The following FOXN3 variants were observed in gnomAD, a reference collection of about 807,000 sequenced individuals.
FOXN3 encodes the protein forkhead box protein N3.
Under a neutral mutation model 38.4 loss-of-function variants are expected in FOXN3, and 7 were observed. The ratio of observed to expected loss-of-function variants is 0.18; its 90% CI spans 0.10 to 0.34. FOXN3 has a LOEUF of 0.34. FOXN3 is among the 10% of genes least tolerant of loss of function. The pLI is 1.00. For missense variants in FOXN3, 456 were observed against 613.4 expected (o/e 0.74, Z 2.71); for synonymous variants, 230 against 242.2 (o/e 0.95, Z 0.47).
intron 1 of FOXN3, among the ~76,000 whole-genome samples, chr14:89,430,305 A>C (rs560806575): frequency 6.6e-6 from 1 of 152,326 alleles, no homozygotes; most frequent in East Asian, 1.9e-4. Context: ...AAACCTTACC[A>C]TACAGAACCT....
chr14:89,248,845 G>A (rs1343040430), intron 4 of FOXN3, among the ~76,000 whole-genome samples: 1 of 152,202 alleles, frequency 6.6e-6, no homozygotes, highest in African/African-American at 2.4e-5. Context: ...GGTTTAAACA[G>A]CTTATTCAAG....
At chr14:89,402,160 C>T (rs1891268197) in intron 2 of FOXN3, among the ~76,000 whole-genome samples, 1 of 152,258 alleles carries the variant, frequency 6.6e-6, no homozygotes, top group African/African-American at 2.4e-5. Context: ...GCACAGACTA[C>T]ATCTTCACCT....
intron 1 of FOXN3, among the ~76,000 whole-genome samples, chr14:89,514,494 G>A (rs544952533): frequency 1.1e-4 from 17 of 152,270 alleles, no homozygotes; most frequent in Middle Eastern, 3.4e-3. Context: ...GTTCGTTATC[G>A]TGGACTCTGA....
At chr14:89,585,768 A>G (rs1439197595) in intron 1 of FOXN3, among the ~76,000 whole-genome samples, 4 of 151,810 alleles carry the variant, frequency 2.6e-5, no homozygotes, top group African/African-American at 9.7e-5. Flanking sequence ...AAAAAAAAAA[A>G]AAAAGAAAGG....
intron 3 of FOXN3, chr14:89,291,087 T>A: frequency 2.0e-6 from 1 of 507,912 alleles, no homozygotes. Context: ...GTGTAAATCA[T>A]GTTTGTAGCC....
chr14:89,317,591 G>A (rs1032805796), intron 3 of FOXN3, among the ~76,000 whole-genome samples: 2 of 152,046 alleles, frequency 1.3e-5, no homozygotes, highest in African/African-American at 4.8e-5. Context: ...TCACTTATAC[G>A]ACTGTCTCTT....
chr14:89,475,658 GA>G (rs985726114), intron 1 of FOXN3, among the ~76,000 whole-genome samples: 1 of 151,630 alleles, frequency 6.6e-6, no homozygotes, highest in South Asian at 2.1e-4. Context: ...CTATCTCAAA[GA>G]AAAAAAATAA....
chr14:89,369,265 G>C (rs573331139), intron 2 of FOXN3, among the ~76,000 whole-genome samples: 3 of 152,242 alleles, frequency 2.0e-5, no homozygotes, highest in African/African-American at 7.2e-5. Context: ...GAGTCACCTG[G>C]CCTAAGTGTC....
At chr14:89,467,144 G>A (rs913023157) in intron 1 of FOXN3, among the ~76,000 whole-genome samples, 2 of 152,118 alleles carry the variant, frequency 1.3e-5, no homozygotes, top group African/African-American at 2.4e-5. Flanking sequence ...CCCTTCTCAC[G>A]GTGGCTCTCC....
intron 4 of FOXN3, among the ~76,000 whole-genome samples, chr14:89,229,688 G>T (rs1441748650): frequency 6.6e-6 from 1 of 152,172 alleles, no homozygotes; most frequent in Non-Finnish European, 1.5e-5. Flanking sequence ...GCCAGGCTTG[G>T]AGTGCAAGTC....
rs141360062 is a variant in FOXN3 at position 89,478,288 on chromosome 14, G to A, written c.-14-65798C>T. Among the ~76,000 whole-genome samples, 376 of 152,200 alleles carry A rather than the reference G, an allele frequency of 2.5e-3. 16 individuals are homozygous for A. Among genetic ancestry groups the A allele is most frequent in the Non-Finnish European group, 2.3e-3 (156 of 68,004 alleles). On this transcript the variant is annotated intron_variant, in intron 1 of 6. Coordinates refer to the FOXN3 transcript ENST00000345097. ...AGAAGCAGATGCCACTATGCTTCCT[G>A]TACAGCCTGCAGAACCATGAACCAA...
chr14:89,232,632 T>A (rs1322319721), intron 4 of FOXN3, among the ~76,000 whole-genome samples: 34 of 152,212 alleles, frequency 2.2e-4, no homozygotes, highest in Admixed American at 2.2e-3. Flanking sequence ...TAATCCCACT[T>A]ACTCACCATC....
intron 1 of FOXN3, among the ~76,000 whole-genome samples, chr14:89,422,474 A>G (rs1020746701): frequency 5.9e-5 from 9 of 152,350 alleles, no homozygotes; most frequent in Admixed American, 3.9e-4. Flanking sequence ...AGGATTTGTC[A>G]AATGATTGAA....
intron 1 of FOXN3, among the ~76,000 whole-genome samples, chr14:89,596,131 CAG>C (rs573426795): frequency 2.6e-5 from 4 of 152,068 alleles, no homozygotes; most frequent in African/African-American, 7.2e-5. Context: ...TTTATTGAGA[CAG>C]ATATTTTATT....
At chr14:89,360,740 C>CACCACCTCCAGCACCACCTCCACCACT in intron 2 of FOXN3, among the ~76,000 whole-genome samples, 1 of 119,624 alleles carries the variant, frequency 8.4e-6, no homozygotes, top group Non-Finnish European at 1.7e-5. Flanking sequence ...CCACCTCCAG[C>CACCACCTCCAGCACCACCTCCACCACT]ACCACCTCCA....
At chr14:89,364,996 C>A (rs1056995911) in intron 2 of FOXN3, among the ~76,000 whole-genome samples, 3 of 152,270 alleles carry the variant, frequency 2.0e-5, no homozygotes, top group Non-Finnish European at 4.4e-5. Context: ...TAAATAAAAC[C>A]AAAATAATCC....
intron 2 of FOXN3, among the ~76,000 whole-genome samples, chr14:89,360,739 G>GCACTACCTCCACCAC (rs1889474714): frequency 3.1e-5 from 2 of 65,000 alleles, no homozygotes; most frequent in Non-Finnish European, 6.1e-5. Flanking sequence ...ACCACCTCCA[G>GCACTACCTCCACCAC]CACCACCTCC....
At chr14:89,536,278 G>GTAAC (rs1375276052) in intron 1 of FOXN3, among the ~76,000 whole-genome samples, 3 of 152,164 alleles carry the variant, frequency 2.0e-5, no homozygotes, top group Non-Finnish European at 4.4e-5. Context: ...TTCAGCCTCT[G>GTAAC]TAACTATCTG....
intron 1 of FOXN3, among the ~76,000 whole-genome samples, chr14:89,559,608 G>A (rs535433605): frequency 1.7e-4 from 26 of 152,184 alleles, no homozygotes; most frequent in Admixed American, 4.6e-4. Flanking sequence ...TCCAGGAGGC[G>A]GAGGTTGCAG....
Sources: allele counts gnomAD v4.1 joint callset (sites outside exome capture counted in the v4.1 genomes callset), GRCh38; gene constraint gnomAD v4.1.1; transcripts MANE v1.5; gene names NCBI Gene and HGNC (gene_info 2026-07-23, HGNC 2026-07-21).